Variants in PLEKHG4 observed in about 807,000 individuals in gnomAD.
The protein encoded by PLEKHG4 is pleckstrin homology and RhoGEF domain containing G4.
Under a neutral mutation model 136.9 loss-of-function variants are expected in PLEKHG4, and 85 were observed. The ratio of observed to expected loss-of-function variants is 0.62; its 90% confidence interval spans 0.52 to 0.74. PLEKHG4 has a LOEUF of 0.74. PLEKHG4 is among the 30% of genes least tolerant of loss of function. The probability of loss-of-function intolerance (pLI) is 0.00; values close to 1 mark genes in which losing one functional copy is unlikely to be tolerated. For missense variants in PLEKHG4, 1,317 were observed against 1,527.8 expected (o/e 0.86, Z 2.30); for synonymous variants, 577 against 646.9 (o/e 0.89, Z 1.64).
Position 67,288,418 on chromosome 16 carries a change from C to A in PLEKHG4, c.3454+18C>A. ...CTCTTTGAGTATGTCTGGGCCTAGC[C>A]AGAGGCAGGAGGGCATGGCTTGGGG... On this transcript the variant is annotated intron_variant, in intron 20 of 21. Coordinates refer to ENST00000379344, the MANE Select transcript of PLEKHG4 (RefSeq NM_001129729.3). 4 of 1,612,858 alleles carry A rather than the reference C, an allele frequency of 2.5e-6. No individual in the cohort carries two copies. Among genetic ancestry groups the A allele is most frequent in the Non-Finnish European group, 3.4e-6 (4 of 1,179,614 alleles).
rs1192191498 is a variant in PLEKHG4, at chr16:67,285,004, C to G, written c.1984C>G (p.Gln662Glu). Residue 662 changes from glutamine to glutamate, a missense_variant, in exon 13 of 22, where the codon CAG becomes GAG. By Grantham distance (29) the Gln-to-Glu change is conservative (BLOSUM62 2). Transcript: ENST00000379344. ...CAGCACAGCTAGCCTGTGTGTCAGC[C>G]AGGTCCCCGCTGCACCTGCCCACCC... is the stretch of plus-strand genomic sequence containing the variant. ...VGSTASLCVS[Q>E]VPAAPAHPPL... 3.1e-6 allele frequency: 5 copies of G among 1,613,426 alleles called. No homozygotes were observed. Among genetic ancestry groups the G allele is most frequent in the Non-Finnish European group, 4.2e-6 (5 of 1,179,930 alleles).
Position 67,282,507 on chromosome 16 carries a change from G to A in PLEKHG4, c.1258G>A (p.Ala420Thr), listed in dbSNP as rs372177626. 13 of 1,614,006 alleles carry A rather than the reference G, an allele frequency of 8.1e-6. No individual in the cohort carries two copies. The African/African-American group carries it at 1.5e-4, about 18-fold the overall frequency. Reference protein sequence around the residue: ...EVTLSPDYRTAMDKADELYDR... With the variant: ...EVTLSPDYRTTMDKADELYDR... ...AGATGGTATACCCTACACCAGGACG[G>A]CAATGGACAAGGCTGACGAGCTATA... The change falls in exon 10 of 22, where the codon GCA becomes ACA. Residue 420 changes from alanine to threonine, a missense_variant. Transcript: ENST00000379344.
In PLEKHG4 at chr16:67,286,643, A is replaced by G. The variant is rs1232083875; in HGVS notation, c.2731A>G (p.Met911Val). Residue 911 changes from methionine to valine, a missense_variant, in exon 16 of 22, where the codon ATG (methionine) becomes GTG (valine). By Grantham distance (21) the Met-to-Val change is conservative (BLOSUM62 1). Transcript: ENST00000379344. ...GCGGCACGGAAACGACCTGCTGGCC[A>G]TGGACGCCATCCAGGGCTGTGATGT... Reference protein sequence around the residue: ...QLRHGNDLLAMDAIQGCDVNL... With the variant: ...QLRHGNDLLAVDAIQGCDVNL... 6 of 1,569,304 alleles carry G rather than the reference A, an allele frequency of 3.8e-6. No homozygotes were observed. The East Asian group carries it at 9.5e-5, about 25-fold the overall frequency.
At position 67,289,165 on chromosome 16, in the gene PLEKHG4, C is replaced by A. The variant is rs991101651; in HGVS notation, c.*357C>A. The stretch of plus-strand genomic sequence containing the variant: ...TAGGCAGTGACTAGGGTGCCCCCAC[C>A]CCTCAGGAAGAACACAGGTGGGCTC... On this transcript the variant is annotated 3_prime_UTR_variant, in exon 22 of 22. Coordinates refer to ENST00000379344, the MANE Select transcript of PLEKHG4 (RefSeq NM_001129729.3). 4.3e-6 allele frequency: 2 copies of A among 468,028 alleles called. No homozygotes were observed. The highest frequency in any genetic ancestry group is 7.8e-6 in the Non-Finnish European group (2 of 255,612). 29.0% of individuals were successfully genotyped at this position (468,028 alleles called of 1,614,324 possible).
rs1453794499 is a variant in PLEKHG4 at position 67,286,463 on chromosome 16, G to A, written c.2551G>A (p.Gly851Arg). The A allele has an allele frequency of 2.5e-6, 4 of 1,611,148 alleles. No individual in the cohort carries two copies. Among genetic ancestry groups the A allele is most frequent in the Non-Finnish European group, 3.4e-6 (4 of 1,178,492 alleles). Residue 851 changes from glycine to arginine, a missense_variant, in exon 16 of 22, where the codon GGG becomes AGG. Gly to Arg is a moderately radical substitution (Grantham distance 125). Transcript: ENST00000379344. ...CCCACAGGACAAGCAGCAAGCACTG[G>A]GGGACCACCTGGACCTGGCCTCCTA... Reference protein sequence around the residue: ...TFFKDKQQALGDHLDLASYLL... With the variant: ...TFFKDKQQALRDHLDLASYLL...
Position 67,286,279 on chromosome 16 carries a change from G to A in PLEKHG4, c.2448G>A (p.Val816=). The part of the protein sequence containing the change: ...RVAYAFLRHR[V]QFGMYALYSK... ...TGAGCCACATGTCCTTGTAGAGGGT[G>A]CAGTTTGGGATGTACGCGCTCTACA... The change falls in exon 15 of 22, where the codon GTG becomes GTA. Residue 816 remains valine, a synonymous_variant. Coordinates refer to ENST00000379344, the MANE Select transcript of PLEKHG4 (RefSeq NM_001129729.3). The A allele has an allele frequency of 2.5e-6, 4 of 1,612,340 alleles. No homozygotes were observed. The highest frequency in any genetic ancestry group is 2.5e-6 in the Non-Finnish European group (3 of 1,178,360).
intron 7 of PLEKHG4, 86 bp downstream of exon 7, chr16:67,281,923 A>T: frequency 6.4e-7 from 1 of 1,550,438 alleles, no homozygotes; most frequent in South Asian, 1.1e-5. Context: ...CTTGAACCAG[A>T]CAAAGCTGGC....
Position 67,287,042 on chromosome 16 carries a change from C to T in PLEKHG4, c.2968C>T (p.Leu990=). Residue 990 remains leucine (L), a synonymous_variant, in exon 18 of 22, where the codon CTG becomes TTG. Transcript: ENST00000379344. ...GLTECCGNSN[L]RFEIWFRRRK... is the part of the protein sequence containing the mutation. ...CACTGAGTGCTGTGGGAACAGCAAC[C>T]TGCGCTTCGAGATCTGGTTCCGCCG... 6.2e-7 allele frequency: 1 copy of T among 1,613,544 alleles called. No homozygotes were observed.
rs2036599663 is a variant in PLEKHG4 at position 67,288,611 on chromosome 16, G to A, written c.3570+7G>A. 1 of 1,613,940 alleles carries A rather than the reference G, an allele frequency of 6.2e-7. No homozygotes were observed. The highest frequency in any genetic ancestry group is 2.2e-5 in the East Asian group (1 of 44,878). Reference sequence around the variant, plus strand: ...CCTGGAGGACTTACCCTGTGTGAGTGCCATTTGCCCTATACCCACCAGCCC... The same window carrying A: ...CCTGGAGGACTTACCCTGTGTGAGTACCATTTGCCCTATACCCACCAGCCC... On this transcript the variant is annotated splice_region_variant and intron_variant, in intron 21 of 21. Transcript: ENST00000379344.
At position 67,281,747 on chromosome 16, in the gene PLEKHG4, C is replaced by G. The variant is rs917712698; in HGVS notation, c.915C>G (p.Ser305Arg). The G allele has an allele frequency of 6.2e-7, 1 of 1,613,994 alleles. No homozygotes were observed. The highest frequency in any genetic ancestry group is 1.3e-5 in the African/African-American group (1 of 74,934). The change falls in exon 7 of 22, where the codon AGC becomes AGG. Residue 305 changes from serine to arginine, a missense_variant. Physicochemically the swap from Ser to Arg is moderately radical, Grantham distance 110. Coordinates refer to ENST00000379344, the MANE Select transcript of PLEKHG4 (RefSeq NM_001129729.3). ...GLQLEQLPSQ[S>R]LLTHIPTAGL... ...AGCTGGAGCAGTTGCCTTCTCAGAG[C>G]CTGCTGACCCACATCCCAACGGCGG... is the stretch of plus-strand genomic sequence containing the variant.
At chr16:67,281,208 C>A (rs767130932) in intron 5 of PLEKHG4, 24 bp downstream of exon 5, 1 of 1,499,660 alleles carries the variant, frequency 6.7e-7, no homozygotes, top group Non-Finnish European at 9.3e-7. Context: ...TGTAGCTCCC[C>A]TCATTCCTTT....
intron 11 of PLEKHG4, among the ~76,000 whole-genome samples, chr16:67,283,923 T>G (rs2036338839): frequency 1.4e-5 from 2 of 142,730 alleles, no homozygotes; most frequent in Non-Finnish European, 3.1e-5. Context: ...CAGAGAAGAG[T>G]GAGGAGAATC....
chr16:67,287,190 C>T lies in PLEKHG4; in HGVS notation c.3103+13C>T. 1 of 1,603,014 alleles carries T rather than the reference C, an allele frequency of 6.2e-7. No homozygotes were observed. The highest frequency in any genetic ancestry group is 1.1e-5 in the South Asian group (1 of 91,058). On this transcript the variant is annotated intron_variant, in intron 18 of 21. Coordinates refer to ENST00000379344, the MANE Select transcript of PLEKHG4 (RefSeq NM_001129729.3). Reference sequence around the variant, plus strand: ...GTCCACAACAAGGGTGGGTCCATGCCCCTCCTTCACGCCACACTCCCCTCA... The same window carrying T: ...GTCCACAACAAGGGTGGGTCCATGCTCCTCCTTCACGCCACACTCCCCTCA...
chr16:67,285,880 G>A (rs1051802737), intron 14 of PLEKHG4, among the ~76,000 whole-genome samples: 14 of 152,142 alleles, frequency 9.2e-5, no homozygotes, highest in Admixed American at 9.2e-4. Context: ...ATAGGGGAGG[G>A]GCTGGAGTGA....
At position 67,284,304 on chromosome 16, in the gene PLEKHG4, G is replaced by C; in HGVS notation, c.1539G>C (p.Leu513=). ...QEQVRQGEKF[L]QPLTGWEAAE... is the part of the protein sequence containing the mutation. The stretch of plus-strand genomic sequence containing the variant: ...AGGTCAGGCAAGGGGAGAAGTTTCT[G>C]CAGCCGCTGACTGGCTGGGAGGCGG... Residue 513 remains leucine (L), a synonymous_variant, in exon 12 of 22, where the codon CTG becomes CTC. Transcript: ENST00000379344. This position sits in a 1 kb window ranked among gnomAD's most constrained non-coding sequence, Gnocchi z 4.4. 1 of 1,613,914 alleles carries C rather than the reference G, an allele frequency of 6.2e-7. No individual in the cohort carries two copies. Among genetic ancestry groups the C allele is most frequent in the Non-Finnish European group, 8.5e-7 (1 of 1,179,932 alleles).
chr16:67,286,652 A>C lies in PLEKHG4; in HGVS notation c.2740A>C (p.Ile914Leu). The C allele has an allele frequency of 6.4e-7, 1 of 1,572,638 alleles. No homozygotes were observed. The highest frequency in any genetic ancestry group is 8.6e-7 in the Non-Finnish European group (1 of 1,158,374). Residue 914 changes from isoleucine (I) to leucine (L), a missense_variant, in exon 16 of 22, where the codon ATC (isoleucine) becomes CTC (leucine). By Grantham distance (5) the Ile-to-Leu change is conservative. Coordinates refer to ENST00000379344, the MANE Select transcript of PLEKHG4 (RefSeq NM_001129729.3). ...AAACGACCTGCTGGCCATGGACGCCATCCAGGGCTGTGATGTGAGTCATCC... is the reference window on the plus strand; with the variant it reads ...AAACGACCTGCTGGCCATGGACGCCCTCCAGGGCTGTGATGTGAGTCATCC... ...HGNDLLAMDA[I>L]QGCDVNLKEQ... is the part of the protein sequence containing the mutation.
chr16:67,281,501 C>T (rs2036223990), intron 5 of PLEKHG4, 66 bp from the exon 6 acceptor site: 17 of 1,382,224 alleles, frequency 1.2e-5, no homozygotes, highest in Non-Finnish European at 1.5e-5. Context: ...GCCGCAATTA[C>T]AGGCGTGAGC....
rs2036516801 is a variant in PLEKHG4, at chr16:67,287,191, C to A, written c.3103+14C>A. The A allele has an allele frequency of 1.2e-6, 2 of 1,602,966 alleles. No homozygotes were observed. The highest frequency in any genetic ancestry group is 2.7e-5 in the African/African-American group (2 of 74,924). On this transcript the variant is annotated intron_variant, in intron 18 of 21. Coordinates refer to ENST00000379344, the MANE Select transcript of PLEKHG4 (RefSeq NM_001129729.3). Reference sequence around the variant, plus strand: ...TCCACAACAAGGGTGGGTCCATGCCCCTCCTTCACGCCACACTCCCCTCAC... The same window carrying A: ...TCCACAACAAGGGTGGGTCCATGCCACTCCTTCACGCCACACTCCCCTCAC...
chr16:67,280,225 C>T lies in PLEKHG4; in HGVS notation c.181C>T (p.Leu61=). The change falls in exon 2 of 22, where the codon CTA becomes TTA. Residue 61 remains leucine (L), a synonymous_variant. Coordinates refer to ENST00000379344, the MANE Select transcript of PLEKHG4 (RefSeq NM_001129729.3). The surrounding 1 kb of genome is among the most constrained non-coding windows in gnomAD (Gnocchi z 4.4). ...PPAGATQDEE[L]QGSPLSRKFQ... is the part of the protein sequence containing the mutation. ...AGCCGGGGCCACCCAGGATGAGGAG[C>T]TACAGGGCAGCCCCTTGTCCAGGAA... 6 of 1,613,842 alleles carry T rather than the reference C, an allele frequency of 3.7e-6. No homozygotes were observed. The highest frequency in any genetic ancestry group is 5.1e-6 in the Non-Finnish European group (6 of 1,179,892).
Sources: gnomAD v4.1 joint callset for allele counts (sites outside exome capture counted in the v4.1 genomes callset) on GRCh38, gnomAD v4.1.1 for gene constraint, Gnocchi (gnomAD v3.1) non-coding constraint, MANE v1.5 for transcripts, NCBI Gene and HGNC (gene_info 2026-07-23, HGNC 2026-07-21) for gene names.